The following DGKB variants were observed in gnomAD, a reference collection of about 807,000 sequenced individuals.
DGKB encodes diacylglycerol kinase beta.
In DGKB, 67 loss-of-function variants were observed where a neutral mutation model predicts 114.3. That is an observed-to-expected ratio of 0.59 (90% CI 0.48 to 0.72). The LOEUF (loss-of-function observed/expected upper bound fraction) is 0.72. DGKB is among the 30% of genes least tolerant of loss of function. The probability of loss-of-function intolerance (pLI) is 0.00; values close to 1 mark genes in which losing one functional copy is unlikely to be tolerated. For synonymous variants in DGKB, 398 were observed against 323.1 expected (o/e 1.23, Z -2.49); for missense variants, 907 against 975.2 (o/e 0.93, Z 0.93).
At chr7:14,590,511 T>A (rs1045845013) in intron 17 of DGKB, among the ~76,000 whole-genome samples, 2 of 152,114 alleles carry the variant, frequency 1.3e-5, no homozygotes, top group Admixed American at 1.3e-4. Context: ...TTCAGCAGCA[T>A]CCTACCCCCA....
intron 23 of DGKB, among the ~76,000 whole-genome samples, chr7:14,204,137 C>A (rs1786363566): frequency 6.6e-6 from 1 of 151,928 alleles, no homozygotes; most frequent in Non-Finnish European, 1.5e-5. Flanking sequence ...TAAAAATATT[C>A]TCCATTAATG....
intron 21 of DGKB, among the ~76,000 whole-genome samples, chr7:14,447,149 C>A (rs576638365): frequency 6.6e-6 from 1 of 152,076 alleles, no homozygotes; most frequent in Non-Finnish European, 1.5e-5. Flanking sequence ...GGATGCATCA[C>A]CCCTAGGGGG....
chr7:14,189,182 T>C (rs150943899), intron 23 of DGKB, among the ~76,000 whole-genome samples: 1 of 152,284 alleles, frequency 6.6e-6, no homozygotes, highest in Non-Finnish European at 1.5e-5. Context: ...GTATGAACGT[T>C]TAATGTCAAA....
rs141885345 is a variant in DGKB, at chr7:14,160,401, T to G, written c.2305-11163A>C. 5.7e-3 allele frequency among the ~76,000 whole-genome samples: 862 copies of G among 152,296 alleles called. 7 individuals are homozygous for G. Among genetic ancestry groups the G allele is most frequent in the African/African-American group, 0.02 (831 of 41,560 alleles). ...CCATTGTCTCAGCCCCAAAACTCCT[T>G]AAGCTGATAAACAACTTCAGCAAAG... On this transcript the variant is annotated intron_variant, in intron 25 of 25. Transcript: ENST00000402815.
chr7:14,643,901 TG>T (rs1812363251), intron 13 of DGKB, among the ~76,000 whole-genome samples: 1 of 152,094 alleles, frequency 6.6e-6, no homozygotes. Flanking sequence ...TCTCCAATAG[TG>T]GGGCTGCTGC....
chr7:14,793,760 C>A (rs1279537521), intron 2 of DGKB, among the ~76,000 whole-genome samples: 1 of 151,562 alleles, frequency 6.6e-6, no homozygotes, highest in Non-Finnish European at 1.5e-5. Flanking sequence ...ACTTGGCTGG[C>A]CATGGAATAC....
intron 1 of DGKB, among the ~76,000 whole-genome samples, chr7:14,886,386 C>T (rs909710142): frequency 4.0e-5 from 6 of 151,796 alleles, no homozygotes; most frequent in Middle Eastern, 3.4e-3. Flanking sequence ...GAGATGAGGA[C>T]GGCTCAAAAG....
chr7:14,456,512 C>G (rs1832306824), intron 21 of DGKB, among the ~76,000 whole-genome samples: 1 of 151,948 alleles, frequency 6.6e-6, no homozygotes, highest in Non-Finnish European at 1.5e-5. Context: ...TCAGTGTGGT[C>G]AAATGAAGAA....
Position 14,304,087 on chromosome 7 carries a change from A to ACTCTCT in DGKB, c.2122+34422_2122+34427dup, listed in dbSNP as rs71846844. Among the ~76,000 whole-genome samples the ACTCTCT allele has an allele frequency of 8.9e-3, 981 of 109,932 alleles. 22 individuals carry two copies. Among genetic ancestry groups the ACTCTCT allele is most frequent in the South Asian group, 0.02 (52 of 2,590 alleles). The allele number at this position is 109,932 out of a possible 152,430, so 72.1% of individuals were successfully genotyped here. A position where few individuals can be genotyped will look rare whatever the true frequency, so the allele number is the denominator to read the frequency against. On this transcript the variant is annotated intron_variant, in intron 23 of 25. Coordinates refer to ENST00000402815, the MANE Select transcript of DGKB (RefSeq NM_001350709.2). ...CACACACACACACACACACACACAC[A>ACTCTCT]CTCTCTCTCTCTCACCCCTACCTCA...
chr7:14,754,185 G>C (rs934899315), intron 3 of DGKB, among the ~76,000 whole-genome samples: 1 of 152,080 alleles, frequency 6.6e-6, no homozygotes, highest in Non-Finnish European at 1.5e-5. Context: ...CTAAAACTGC[G>C]TGGGGTCGGG....
chr7:14,813,208 G>A (rs1586678409), intron 2 of DGKB, among the ~76,000 whole-genome samples: 1 of 152,058 alleles, frequency 6.6e-6, no homozygotes, highest in East Asian at 1.9e-4. Flanking sequence ...GGCGTTCCTT[G>A]CTTTAAGCTA....
rs1179771660 is a variant in DGKB at position 14,145,350 on chromosome 7, T to G, written c.*3781A>C. 6.6e-6 allele frequency: 1 copy of G among 152,210 alleles called. No homozygotes were observed. Among genetic ancestry groups the G allele is most frequent in the Non-Finnish European group, 1.5e-5 (1 of 68,032 alleles). 9.4% of individuals were successfully genotyped at this position (152,210 alleles called of 1,614,324 possible). On this transcript the variant is annotated 3_prime_UTR_variant, in exon 26 of 26. Coordinates refer to ENST00000402815, the MANE Select transcript of DGKB (RefSeq NM_001350709.2). The stretch of plus-strand genomic sequence containing the variant: ...GTTTAATCTTTTAATAGAGATATTA[T>G]TCAGTTATTTGAAAAATAACGGAGA...
rs534291053 is a variant in DGKB at position 14,444,227 on chromosome 7, C to T, written c.1835+33934G>A. On this transcript the variant is annotated intron_variant, in intron 21 of 25. Coordinates refer to ENST00000402815, the MANE Select transcript of DGKB (RefSeq NM_001350709.2). ...ACTGCAACATTTTTATTTTCCTTCCCTAAAAATTCTAACATTTTTGTGTAC... is the reference window on the plus strand; with the variant it reads ...ACTGCAACATTTTTATTTTCCTTCCTTAAAAATTCTAACATTTTTGTGTAC... Among the ~76,000 whole-genome samples, 23 of 151,870 alleles carry T rather than the reference C, an allele frequency of 1.5e-4. No individual in the cohort carries two copies. The South Asian group carries it at 4.6e-3, about 30-fold the overall frequency.
intron 1 of DGKB, among the ~76,000 whole-genome samples, chr7:14,963,100 G>A (rs1264808006): frequency 6.6e-6 from 1 of 151,976 alleles, no homozygotes; most frequent in Non-Finnish European, 1.5e-5. Context: ...TCCCCTCTTA[G>A]ATTTCCATTC....
At chr7:14,965,840 C>T (rs1024084879) in intron 1 of DGKB, among the ~76,000 whole-genome samples, 2 of 152,148 alleles carry the variant, frequency 1.3e-5, no homozygotes, top group Admixed American at 1.3e-4. Flanking sequence ...ATAATGAAAA[C>T]CATTTTTCAA....
chr7:14,220,542 C>T (rs528969807), intron 23 of DGKB, among the ~76,000 whole-genome samples: 18 of 151,444 alleles, frequency 1.2e-4, no homozygotes, highest in African/African-American at 4.1e-4. Flanking sequence ...ACTCCTTTTT[C>T]GAAATCAGAA....
At chr7:14,253,588 C>T (rs1400559837) in intron 23 of DGKB, among the ~76,000 whole-genome samples, 1 of 152,180 alleles carries the variant, frequency 6.6e-6, no homozygotes, top group Non-Finnish European at 1.5e-5. Context: ...TGTCTGAAAT[C>T]TCTCTGGCAT....
intron 21 of DGKB, among the ~76,000 whole-genome samples, chr7:14,421,907 C>A (rs1234592848): frequency 6.6e-6 from 1 of 151,928 alleles, no homozygotes; most frequent in African/African-American, 2.4e-5. Flanking sequence ...AAATATCTCA[C>A]CATGTTTCCA....
At chr7:14,801,925 T>TATATACACAC (rs1554281696) in intron 2 of DGKB, among the ~76,000 whole-genome samples, 1 of 147,958 alleles carries the variant, frequency 6.8e-6, no homozygotes, top group African/African-American at 2.5e-5. Context: ...TATATACATA[T>TATATACACAC]ACACACACAC....
Sources: gnomAD v4.1 joint callset for allele counts (sites outside exome capture counted in the v4.1 genomes callset) on GRCh38, gnomAD v4.1.1 for gene constraint, MANE v1.5 for transcripts, NCBI Gene and HGNC (gene_info 2026-07-23, HGNC 2026-07-21) for gene names.